NFKBIZ: variants seen among roughly 807,000 people sequenced by gnomAD.
The protein encoded by NFKBIZ is NFKB inhibitor zeta, also known as NF-kappa-B inhibitor zeta.
In NFKBIZ, 19 loss-of-function variants were observed where a neutral mutation model predicts 76.8. That is an observed-to-expected ratio of 0.25 (90% CI 0.17 to 0.36). The LOEUF (loss-of-function observed/expected upper bound fraction) is 0.36, where lower values mean the gene tolerates loss of function less well. NFKBIZ is among the 10% of genes least tolerant of loss of function. The probability of loss-of-function intolerance (pLI) is 1.00; values close to 1 mark genes in which losing one functional copy is unlikely to be tolerated. For missense variants in NFKBIZ, 829 were observed against 910.9 expected, an observed-to-expected ratio of 0.91 and a Z score of 1.16; for synonymous variants, 368 against 354.8, an observed-to-expected ratio of 1.04 and a Z score of -0.42.
chr3:101,853,950 G>A (rs1457963033), intron 5 of NFKBIZ, 87 bp downstream of exon 5: 4 of 1,317,810 alleles, frequency 3.0e-6, no homozygotes, highest in Non-Finnish European at 4.2e-6. Context: ...GGTATAACAA[G>A]GTATACCTTA....
chr3:101,847,102 G>A (rs867247063), upstream of NFKBIZ, among the ~76,000 whole-genome samples: 16 of 152,380 alleles, frequency 1.1e-4, no homozygotes, highest in Middle Eastern at 0.01. Context: ...CCGCATTGGC[G>A]AAGGGGGATC....
intron 2 of NFKBIZ, among the ~76,000 whole-genome samples, chr3:101,835,659 G>C (rs1447694412): frequency 6.6e-6 from 1 of 152,128 alleles, no homozygotes; most frequent in African/African-American, 2.4e-5. Flanking sequence ...CAGATTAGAT[G>C]AGGACTCACC....
intron 9 of NFKBIZ, 87 bp downstream of exon 9, chr3:101,855,989 TTC>T: frequency 8.0e-7 from 1 of 1,251,986 alleles, no homozygotes. Flanking sequence ...AGATTCAAAC[TTC>T]TTTCTTTTTT....
chr3:101,839,286 C>A (rs1412902140), intron 2 of NFKBIZ, among the ~76,000 whole-genome samples: 1 of 152,036 alleles, frequency 6.6e-6, no homozygotes, highest in Non-Finnish European at 1.5e-5. Flanking sequence ...AATTAAAATT[C>A]TTCTTGAAAA....
intron 2 of NFKBIZ, among the ~76,000 whole-genome samples, chr3:101,840,012 A>G (rs1013942676): frequency 2.0e-5 from 3 of 151,826 alleles, no homozygotes; most frequent in African/African-American, 7.3e-5. Flanking sequence ...AGAGGAAAAA[A>G]GGAGGGAGAA....
At chr3:101,843,636 A>C (rs1176365093) in intron 2 of NFKBIZ, among the ~76,000 whole-genome samples, 1 of 152,202 alleles carries the variant, frequency 6.6e-6, no homozygotes, top group African/African-American at 2.4e-5. Flanking sequence ...GGAACCTGAA[A>C]CCATATCAAT....
In NFKBIZ at chr3:101,855,103, T is replaced by C. The variant is rs755671812; in HGVS notation, c.1485T>C (p.Ile495=). The part of the protein sequence containing the change: ...QVAVAANQHL[I]VQDLVNIGAQ... ...CAGTGGCTGCCAATCAGCATCTCAT[T>C]GTGCAGGATCTGGTGAACATCGGGG... is the stretch of plus-strand genomic sequence containing the variant. Residue 495 remains isoleucine, a synonymous_variant, in exon 7 of 12, where the codon ATT becomes ATC. Transcript: ENST00000326172. 5.6e-6 allele frequency: 9 copies of C among 1,613,472 alleles called. No homozygotes were observed. Among genetic ancestry groups the C allele is most frequent in the South Asian group, 1.1e-5 (1 of 90,930 alleles).
intron 2 of NFKBIZ, among the ~76,000 whole-genome samples, chr3:101,835,635 A>G (rs1272545960): frequency 6.6e-6 from 1 of 152,124 alleles, no homozygotes; most frequent in Non-Finnish European, 1.5e-5. Flanking sequence ...CTACCCTCTT[A>G]TAAAGATACC....
intron 9 of NFKBIZ, chr3:101,856,792 T>C (rs191771242): frequency 2.7e-5 from 8 of 298,254 alleles, no homozygotes; most frequent in African/African-American, 6.6e-5. Context: ...TGATAGGTTA[T>C]GACATAGGAT....
At chr3:101,838,834 G>A (rs1017395025) in intron 2 of NFKBIZ, among the ~76,000 whole-genome samples, 1 of 152,156 alleles carries the variant, frequency 6.6e-6, no homozygotes, top group Non-Finnish European at 1.5e-5. Context: ...ATGCATGTTT[G>A]ATGTATTTTG....
intron 5 of NFKBIZ, 128 bp from the exon 6 acceptor site, chr3:101,854,450 T>C: frequency 1.6e-6 from 1 of 620,324 alleles, no homozygotes. Flanking sequence ...AATTATGCTT[T>C]GTAATGTTTC....
At chr3:101,836,493 C>T (rs1386978549) in intron 2 of NFKBIZ, among the ~76,000 whole-genome samples, 1 of 152,196 alleles carries the variant, frequency 6.6e-6, no homozygotes, top group Non-Finnish European at 1.5e-5. Context: ...AGAATGTAAG[C>T]TCTGTAAGGG....
rs1304883811 is a variant in NFKBIZ at position 101,855,211 on chromosome 3, A to G, written c.1590+3A>G. On this transcript the variant is annotated splice_donor_region_variant and intron_variant, in intron 7 of 11. Coordinates refer to ENST00000326172, the MANE Select transcript of NFKBIZ (RefSeq NM_031419.4). ...AGGGCCACTCCCAGGTGCTTCAGGT[A>G]AGAGGCAGCAAACCAGGCTTCCATC... The G allele has an allele frequency of 6.2e-7, 1 of 1,605,080 alleles. No homozygotes were observed. Among genetic ancestry groups the G allele is most frequent in the Non-Finnish European group, 8.5e-7 (1 of 1,175,950 alleles).
rs1049677748 is a variant in NFKBIZ, at chr3:101,857,930, A to G, written c.2103+471A>G. The stretch of plus-strand genomic sequence containing the variant: ...TAGAATTATTTCTGTCTATGAAGTG[A>G]TACTGAACAAAAAATGGAAAAATTA... On this transcript the variant is annotated intron_variant, in intron 11 of 11. Transcript: ENST00000326172. 5 of 856,154 alleles carry G rather than the reference A, an allele frequency of 5.8e-6. No homozygotes were observed. The African/African-American group carries it at 7.3e-5, about 12-fold the overall frequency. 53.0% of individuals were successfully genotyped at this position (856,154 alleles called of 1,614,324 possible). A position where few individuals can be genotyped will look rare whatever the true frequency, so the allele number is the denominator to read the frequency against.
chr3:101,829,086 A>T (rs1240492904), intron 1 of NFKBIZ, among the ~76,000 whole-genome samples: 1 of 152,146 alleles, frequency 6.6e-6, no homozygotes, highest in East Asian at 1.9e-4. Context: ...AGCCACACAG[A>T]TCATCTAAAC....
chr3:101,853,928 T>A (rs765310572), intron 5 of NFKBIZ, 65 bp downstream of exon 5: 1 of 1,491,302 alleles, frequency 6.7e-7, no homozygotes, highest in Non-Finnish European at 9.2e-7. Context: ...AGTGAGCATA[T>A]AATTTTTCTA....
chr3:101,830,054 C>T (rs543472029), intron 2 of NFKBIZ, among the ~76,000 whole-genome samples: 1 of 152,228 alleles, frequency 6.6e-6, no homozygotes, highest in East Asian at 1.9e-4. Flanking sequence ...GAGCATCATG[C>T]CCCCTCTCAG....
chr3:101,856,308 C>A (rs1943048969), intron 9 of NFKBIZ, among the ~76,000 whole-genome samples: 2 of 152,216 alleles, frequency 1.3e-5, no homozygotes, highest in Admixed American at 6.5e-5. Flanking sequence ...CCTCGGCCTC[C>A]CGAAGTGCTG....
chr3:101,850,427 G>A (rs1453011512), intron 1 of NFKBIZ: 1 of 152,392 alleles, frequency 6.6e-6, no homozygotes, highest in African/African-American at 2.4e-5. Flanking sequence ...TGTTATCAAG[G>A]TGAAGCCGGG....
Sources: gnomAD v4.1 joint callset for allele counts (sites outside exome capture counted in the v4.1 genomes callset) on GRCh38, gnomAD v4.1.1 for gene constraint, MANE v1.5 for transcripts, NCBI Gene and HGNC (gene_info 2026-07-23, HGNC 2026-07-21) for gene names.